CLDN1: variants seen among roughly 807,000 people sequenced by gnomAD.
CLDN1 encodes claudin-1.
CLDN1 carries 12 observed loss-of-function variants against 22.6 expected under a neutral mutation model. That is an observed-to-expected ratio of 0.53 (90% CI 0.34 to 0.86). The LOEUF is 0.86. Among genes scored for constraint, CLDN1 ranks in the 40% least tolerant of loss-of-function variants. The pLI, the probability that CLDN1 is intolerant of heterozygous loss-of-function variation, is 0.02. For synonymous variants in CLDN1, 99 were observed against 103.8 expected, an observed-to-expected ratio of 0.95 and a Z score of 0.28; for missense variants, 250 against 269.5, an observed-to-expected ratio of 0.93 and a Z score of 0.51.
chr3:190,311,310 A>T (rs1019907703), intron 2 of CLDN1, among the ~76,000 whole-genome samples: 2 of 152,232 alleles, frequency 1.3e-5, no homozygotes, highest in Admixed American at 1.3e-4. Flanking sequence ...ATGGCCACAA[A>T]GATTACTATT....
chr3:190,321,084 CT>C (rs1560076989), intron 1 of CLDN1, among the ~76,000 whole-genome samples: 1 of 152,170 alleles, frequency 6.6e-6, no homozygotes, highest in East Asian at 1.9e-4. Context: ...ACAGAAATTT[CT>C]TTGTGGAAGA....
intron 3 of CLDN1, among the ~76,000 whole-genome samples, chr3:190,308,912 T>C (rs1262492210): frequency 6.6e-6 from 1 of 152,190 alleles, no homozygotes; most frequent in Non-Finnish European, 1.5e-5. Flanking sequence ...ATCCAAATCT[T>C]ATGGTTTTGT....
chr3:190,322,301 C>A lies in CLDN1; in HGVS notation c.-95G>T. On this transcript the variant is annotated 5_prime_UTR_variant, in exon 1 of 4. Transcript: ENST00000295522. ...ACCCGGACTCCCGAAGGTGGCTGGG[C>A]CCCGCGGAGGAAGTTAAGGCGGGGA... is the stretch of plus-strand genomic sequence containing the variant. 2 of 1,123,780 alleles carry A rather than the reference C, an allele frequency of 1.8e-6. No homozygotes were observed. Among genetic ancestry groups the A allele is most frequent in the Non-Finnish European group, 2.6e-6 (2 of 761,982 alleles). The allele number at this position is 1,123,780 out of a possible 1,614,324, so 69.6% of individuals were successfully genotyped here.
chr3:190,322,309 A>C lies in CLDN1; in HGVS notation c.-103T>G. 1 of 1,039,054 alleles carries C rather than the reference A, an allele frequency of 9.6e-7. No homozygotes were observed. 64.4% of individuals were successfully genotyped at this position (1,039,054 alleles called of 1,614,324 possible). On this transcript the variant is annotated 5_prime_UTR_variant, in exon 1 of 4. Coordinates refer to ENST00000295522, the MANE Select transcript of CLDN1 (RefSeq NM_021101.5). ...TCCCGAAGGTGGCTGGGCCCCGCGG[A>C]GGAAGTTAAGGCGGGGAGCCCTGCT...
chr3:190,309,417 T>C (rs1443829794), intron 3 of CLDN1, among the ~76,000 whole-genome samples: 1 of 152,192 alleles, frequency 6.6e-6, no homozygotes, highest in Non-Finnish European at 1.5e-5. Flanking sequence ...GAAACACATC[T>C]TATCTCTCCA....
At chr3:190,313,117 C>T in intron 1 of CLDN1, 81 bp from the exon 2 acceptor site, 1 of 1,517,602 alleles carries the variant, frequency 6.6e-7, no homozygotes. Context: ...GTATATGTCA[C>T]TGTTGTATGG....
In CLDN1 at chr3:190,308,156, GT is replaced by G; in HGVS notation, c.*120del. On this transcript the variant is annotated 3_prime_UTR_variant, in exon 4 of 4. Coordinates refer to ENST00000295522, the MANE Select transcript of CLDN1 (RefSeq NM_021101.5). ...ACATGGGTTTTTTGTTTGTTTGTTT[GT>G]TTTGTAATACCATACTTCAGATTAC... is the stretch of plus-strand genomic sequence containing the variant. The G allele has an allele frequency of 8.4e-7, 1 of 1,187,692 alleles. No individual in the cohort carries two copies. The highest frequency in any genetic ancestry group is 1.7e-5 in the Admixed American group (1 of 57,710). 73.6% of individuals were successfully genotyped at this position (1,187,692 alleles called of 1,614,324 possible). A position where few individuals can be genotyped will look rare whatever the true frequency, so the allele number is the denominator to read the frequency against.
intron 2 of CLDN1, among the ~76,000 whole-genome samples, 158 bp from the exon 3 acceptor site, chr3:190,310,411 T>G (rs1461505517): frequency 6.6e-6 from 1 of 152,226 alleles, no homozygotes; most frequent in Non-Finnish European, 1.5e-5. Context: ...CCAGATATGA[T>G]TTATTCCAAG....
intron 1 of CLDN1, among the ~76,000 whole-genome samples, chr3:190,318,097 T>C (rs1343346501): frequency 6.6e-6 from 1 of 152,206 alleles, no homozygotes; most frequent in Non-Finnish European, 1.5e-5. Context: ...TTCATAAAAG[T>C]CCTAATCATT....
In CLDN1 at chr3:190,310,209, C is replaced by T. The variant is rs150983709; in HGVS notation, c.433G>A (p.Val145Ile). Residue 145 changes from valine to isoleucine, a missense_variant, in exon 3 of 4, where the codon GTT (valine) becomes ATT (isoleucine). Coordinates refer to ENST00000295522, the MANE Select transcript of CLDN1 (RefSeq NM_021101.5). Reference sequence around the variant, plus strand: ...GTCATAGGGTCATAGAATTCTTGAACGATTCTATTGCCATACCATGCTGTG... The same window carrying T: ...GTCATAGGGTCATAGAATTCTTGAATGATTCTATTGCCATACCATGCTGTG... ...VATAWYGNRIVQEFYDPMTPV... is the reference protein window; with the variant it reads ...VATAWYGNRIIQEFYDPMTPV... 42 of 1,613,748 alleles carry T rather than the reference C, an allele frequency of 2.6e-5. No homozygotes were observed. The highest frequency in any genetic ancestry group is 1.6e-4 in the Middle Eastern group (1 of 6,082).
rs1349625227 is a variant in CLDN1 at position 190,322,050 on chromosome 3, A to G, written c.157T>C (p.Ser53Pro). The G allele has an allele frequency of 1.9e-6, 3 of 1,614,084 alleles. No homozygotes were observed. The highest frequency in any genetic ancestry group is 2.5e-6 in the Non-Finnish European group (3 of 1,180,036). The change falls in exon 1 of 4, where the codon TCC becomes CCC. Residue 53 changes from serine to proline, a missense_variant. Physicochemically the swap from Ser to Pro is moderately conservative, Grantham distance 74. Coordinates refer to ENST00000295522, the MANE Select transcript of CLDN1 (RefSeq NM_021101.5). ...AQAMYEGLWM[S>P]CVSQSTGQIQ... The stretch of plus-strand genomic sequence containing the variant: ...TGCCCGGTGCTCTGCGACACGCAGG[A>G]CATCCACAGCCCCTCGTACATGGCC...
intron 2 of CLDN1, 62 bp from the exon 3 acceptor site, chr3:190,310,315 C>A (rs1716579283): frequency 8.1e-7 from 1 of 1,242,010 alleles, no homozygotes; most frequent in Non-Finnish European, 1.2e-6. Context: ...AAATACACAA[C>A]CTGTTAAACC....
In CLDN1 at chr3:190,306,656, C is replaced by G. The variant is rs1040778139; in HGVS notation, c.*1621G>C. The G allele has an allele frequency of 6.5e-6, 1 of 152,698 alleles. No homozygotes were observed. The highest frequency in any genetic ancestry group is 1.5e-5 in the Non-Finnish European group (1 of 68,096). 9.5% of individuals were successfully genotyped at this position (152,698 alleles called of 1,614,324 possible). ...ATAGCACCAAGACTCAAATCCAGGT[C>G]TCCAGACACCAATGCCAACACCCTT... is the stretch of plus-strand genomic sequence containing the variant. On this transcript the variant is annotated 3_prime_UTR_variant, in exon 4 of 4. Coordinates refer to ENST00000295522, the MANE Select transcript of CLDN1 (RefSeq NM_021101.5).
At chr3:190,311,930 A>T (rs956090820) in intron 2 of CLDN1, among the ~76,000 whole-genome samples, 23 of 148,990 alleles carry the variant, frequency 1.5e-4, no homozygotes, top group Non-Finnish European at 2.7e-4. Context: ...ACTTGAATTA[A>T]AAAACAGATA....
At chr3:190,321,915 G>A in intron 1 of CLDN1, 69 bp downstream of exon 1, 1 of 1,131,554 alleles carries the variant, frequency 8.8e-7, no homozygotes, top group Non-Finnish European at 1.3e-6. Context: ...ACAACAGAAT[G>A]AGCCCATAAG....
chr3:190,311,482 C>T (rs1426059944), intron 2 of CLDN1, among the ~76,000 whole-genome samples: 1 of 152,108 alleles, frequency 6.6e-6, no homozygotes, highest in African/African-American at 2.4e-5. Context: ...ACTGGTTAAA[C>T]TGACATATTA....
Position 190,306,874 on chromosome 3 carries a change from TAGAG to T in CLDN1, c.*1399_*1402del, listed in dbSNP as rs1716468675. On this transcript the variant is annotated 3_prime_UTR_variant, in exon 4 of 4. Coordinates refer to ENST00000295522, the MANE Select transcript of CLDN1 (RefSeq NM_021101.5). The stretch of plus-strand genomic sequence containing the variant: ...GTTTTGTTCAGTGGAAATAGACTGG[TAGAG>T]AGAGGAAGGCACTGAACCACATGAA... The T allele has an allele frequency of 6.6e-6, 1 of 152,504 alleles. No homozygotes were observed. The highest frequency in any genetic ancestry group is 1.5e-5 in the Non-Finnish European group (1 of 68,060). The allele number at this position is 152,504 out of a possible 1,614,324, so 9.4% of individuals were successfully genotyped here. A position where few individuals can be genotyped will look rare whatever the true frequency, so the allele number is the denominator to read the frequency against.
chr3:190,310,183 G>A lies in CLDN1; in HGVS notation c.459C>T (p.Thr153=). Residue 153 remains threonine, a synonymous_variant, in exon 3 of 4, where the codon ACC becomes ACT. Coordinates refer to ENST00000295522, the MANE Select transcript of CLDN1 (RefSeq NM_021101.5). ...RIVQEFYDPM[T]PVNARYEFGQ... Reference sequence around the variant, plus strand: ...AATAGCGTTACCTGGCATTGACTGGGGTCATAGGGTCATAGAATTCTTGAA... The same window carrying A: ...AATAGCGTTACCTGGCATTGACTGGAGTCATAGGGTCATAGAATTCTTGAA... 6.2e-7 allele frequency: 1 copy of A among 1,613,460 alleles called. No individual in the cohort carries two copies. The highest frequency in any genetic ancestry group is 8.5e-7 in the Non-Finnish European group (1 of 1,179,530).
chr3:190,321,363 C>G (rs768902818), intron 1 of CLDN1, among the ~76,000 whole-genome samples: 2 of 152,164 alleles, frequency 1.3e-5, no homozygotes, highest in Non-Finnish European at 2.9e-5. Flanking sequence ...GGGGGAATCT[C>G]AAGCAGCTTC....
Sources: gnomAD v4.1 joint callset for allele counts (sites outside exome capture counted in the v4.1 genomes callset) on GRCh38, gnomAD v4.1.1 for gene constraint, MANE v1.5 for transcripts, NCBI Gene and HGNC (gene_info 2026-07-23, HGNC 2026-07-21) for gene names.